Variants in PBRM1 observed in about 807,000 individuals in gnomAD.
PBRM1 encodes the protein polybromo 1, also known as protein polybromo-1.
Under a neutral mutation model 194.5 loss-of-function variants are expected in PBRM1, and 27 were observed. The observed-to-expected ratio is 0.14, with a 90% CI of 0.10 to 0.19. The LOEUF (loss-of-function observed/expected upper bound fraction) is 0.19, where lower values mean the gene tolerates loss of function less well. Among genes scored for constraint, PBRM1 ranks in the 10% least tolerant of loss-of-function variants. The pLI is 1.00. For synonymous variants in PBRM1, 655 were observed against 693.2 expected, an observed-to-expected ratio of 0.94 and a Z score of 0.87; for missense variants, 1,466 against 2,077.2, an observed-to-expected ratio of 0.71 and a Z score of 5.72.
At chr3:52,614,047 A>C (rs534600386) in intron 15 of PBRM1, among the ~76,000 whole-genome samples, 15 of 152,286 alleles carry the variant, frequency 9.8e-5, no homozygotes, top group African/African-American at 3.4e-4. Flanking sequence ...CAAATCTACT[A>C]TCAAATTTAG....
At chr3:52,625,028 GA>G in intron 13 of PBRM1, 87 bp from the exon 15 acceptor site, 2 of 888,888 alleles carry the variant, frequency 2.3e-6, no homozygotes, top group Non-Finnish European at 3.7e-6. Context: ...TATGGTTGAA[GA>G]AAAAGATTAT....
chr3:52,598,820 G>A (rs904606332), intron 17 of PBRM1, among the ~76,000 whole-genome samples: 1 of 152,042 alleles, frequency 6.6e-6, no homozygotes, highest in African/African-American at 2.4e-5. Context: ...CAGGAGTTAA[G>A]AGACCAGCCT....
chr3:52,547,845 CAAA>C, downstream of PBRM1: 1 of 440,812 alleles, frequency 2.3e-6, no homozygotes. Context: ...GAAACATATG[CAAA>C]AAAATCTTTG....
rs559025558 is a variant in PBRM1, at chr3:52,654,305, C to T, written c.646-2495G>A. 1.2e-4 allele frequency among the ~76,000 whole-genome samples: 18 copies of T among 152,306 alleles called. 1 individual carries two copies. The South Asian group carries it at 3.7e-3, about 32-fold the overall frequency. On this transcript the variant is annotated intron_variant, in intron 5 of 29. Coordinates refer to ENST00000296302, the Ensembl canonical transcript of PBRM1. ...CTAAGCTTACCACTACTTTCTTAAC[C>T]CTACTCCTTCCTTTACTTGGATGAA...
intron 2 of PBRM1, among the ~76,000 whole-genome samples, chr3:52,671,367 G>A (rs1238682802): frequency 6.6e-6 from 1 of 152,216 alleles, no homozygotes; most frequent in Non-Finnish European, 1.5e-5. Flanking sequence ...CAGCACCCAA[G>A]GTGTGTATCC....
intron 2 of PBRM1, among the ~76,000 whole-genome samples, chr3:52,676,379 G>A (rs1053398133): frequency 2.6e-5 from 4 of 152,144 alleles, no homozygotes; most frequent in Non-Finnish European, 4.4e-5. Context: ...AGTCTTTCCC[G>A]TGCTATTCTC....
chr3:52,647,599 G>T (rs1217549058), intron 7 of PBRM1, among the ~76,000 whole-genome samples: 1 of 151,112 alleles, frequency 6.6e-6, no homozygotes, highest in African/African-American at 2.4e-5. Context: ...TGATGAATGG[G>T]TAAATAAAAT....
In PBRM1 at chr3:52,586,406, G is replaced by A; in HGVS notation, c.3387+19C>T. ...TTTTGAGATGTAAAATTTTTTCTGT[G>A]TGGCTATTATCTGCATACCTTTTCC... is the stretch of plus-strand genomic sequence containing the variant. On this transcript the variant is annotated intron_variant, in intron 20 of 29. Coordinates refer to ENST00000296302, the Ensembl canonical transcript of PBRM1. 1 of 1,582,118 alleles carries A rather than the reference G, an allele frequency of 6.3e-7. No homozygotes were observed. Among genetic ancestry groups the A allele is most frequent in the Non-Finnish European group, 8.6e-7 (1 of 1,160,482 alleles).
chr3:52,608,294 TGG>T (rs2094451105), intron 16 of PBRM1, among the ~76,000 whole-genome samples: 1 of 152,180 alleles, frequency 6.6e-6, no homozygotes, highest in Non-Finnish European at 1.5e-5. Context: ...TGTAAGACTA[TGG>T]GTAACTTTTC....
At chr3:52,616,560 G>A (rs1018618347) in intron 14 of PBRM1, among the ~76,000 whole-genome samples, 2 of 152,132 alleles carry the variant, frequency 1.3e-5, no homozygotes, top group Non-Finnish European at 2.9e-5. Context: ...GGGCGTGGTG[G>A]TGGGCACCTG....
At chr3:52,639,840 G>C (rs1391656508) in intron 10 of PBRM1, among the ~76,000 whole-genome samples, 1 of 152,022 alleles carries the variant, frequency 6.6e-6, no homozygotes, top group Admixed American at 6.6e-5. Context: ...AAAAGTGCTG[G>C]GATAAGAGGC....
chr3:52,643,938 A>G (rs990241182), intron 8 of PBRM1, among the ~76,000 whole-genome samples: 2 of 151,870 alleles, frequency 1.3e-5, no homozygotes, highest in Non-Finnish European at 2.9e-5. Flanking sequence ...TGCCACTGCA[A>G]TCCAGTTTGG....
At chr3:52,569,742 T>G (rs1031056202) in intron 22 of PBRM1, among the ~76,000 whole-genome samples, 1 of 152,260 alleles carries the variant, frequency 6.6e-6, no homozygotes, top group African/African-American at 2.4e-5. Flanking sequence ...TAAGTTTATC[T>G]AAGGTATTTT....
chr3:52,646,896 A>T (rs1395668849), intron 7 of PBRM1, among the ~76,000 whole-genome samples: 2 of 152,186 alleles, frequency 1.3e-5, no homozygotes, highest in Non-Finnish European at 2.9e-5. Flanking sequence ...CAACCAAAGA[A>T]AAAAATAGAT....
At chr3:52,643,374 A>G in intron 8 of PBRM1, 31 bp from the exon 10 acceptor site, 1 of 1,441,936 alleles carries the variant, frequency 6.9e-7, no homozygotes, top group Non-Finnish European at 9.8e-7. Context: ...AAGCTTAGAA[A>G]CTTGGTAGCT....
At chr3:52,627,432 A>C in intron 12 of PBRM1, 62 bp from the exon 14 acceptor site, 2 of 940,522 alleles carry the variant, frequency 2.1e-6, no homozygotes, top group South Asian at 2.6e-5. Flanking sequence ...GAATATATGA[A>C]TGTTAAAGAG....
At chr3:52,581,724 C>T (rs1056083224) in intron 20 of PBRM1, among the ~76,000 whole-genome samples, 1 of 151,666 alleles carries the variant, frequency 6.6e-6, no homozygotes, top group Admixed American at 6.6e-5. Flanking sequence ...TGCAACCTCT[C>T]CCTCCTGGGT....
intron 4 of PBRM1, among the ~76,000 whole-genome samples, chr3:52,658,752 T>C (rs181336486): frequency 4.5e-3 from 679 of 152,322 alleles, no homozygotes; most frequent in Non-Finnish European, 5.3e-3. Context: ...TACCCCATAA[T>C]GTTCTGATGC....
At chr3:52,589,863 T>C (rs2092841276) in intron 17 of PBRM1, among the ~76,000 whole-genome samples, 1 of 152,084 alleles carries the variant, frequency 6.6e-6, no homozygotes, top group African/African-American at 2.4e-5. Context: ...AGTTTCGCTC[T>C]TGTTGCCCAG....
Sources: gnomAD v4.1 joint callset for allele counts (sites outside exome capture counted in the v4.1 genomes callset) on GRCh38, gnomAD v4.1.1 for gene constraint, MANE v1.5 for transcripts, NCBI Gene and HGNC (gene_info 2026-07-23, HGNC 2026-07-21) for gene names.